The following RANBP2 variants were observed in gnomAD, a reference collection of about 807,000 sequenced individuals.
RANBP2 encodes RAN binding protein 2.
In RANBP2, 57 loss-of-function variants were observed where a neutral mutation model predicts 303.6. That is an observed-to-expected ratio of 0.19 (90% CI 0.15 to 0.23). The LOEUF (loss-of-function observed/expected upper bound fraction) is 0.23. Among genes scored for constraint, RANBP2 ranks in the 10% least tolerant of loss-of-function variants. The pLI, the probability that RANBP2 is intolerant of heterozygous loss-of-function variation, is 1.00. For synonymous variants in RANBP2, 1,167 were observed against 1,301.5 expected (o/e 0.90, Z 2.23); for missense variants, 3,138 against 3,780.8 (o/e 0.83, Z 4.46).
the RANBP2 span, among the ~76,000 whole-genome samples, chr2:109,439,847 A>G: frequency 2.0e-5 from 3 of 152,160 alleles, no homozygotes; most frequent in African/African-American, 7.2e-5. Flanking sequence ...ACTAGAAAAC[A>G]AAGTTCTGTG....
At chr2:109,050,598 C>T in the RANBP2 span, among the ~76,000 whole-genome samples, 10 of 152,074 alleles carry the variant, frequency 6.6e-5, no homozygotes, top group Non-Finnish European at 1.2e-4. Flanking sequence ...TAAAATTACA[C>T]ATGTGGCTCA....
At chr2:109,482,320 G>A in the RANBP2 span, among the ~76,000 whole-genome samples, 2 of 152,124 alleles carry the variant, frequency 1.3e-5, no homozygotes, top group Non-Finnish European at 2.9e-5. Context: ...TATGTAGTCC[G>A]TTTTACACAT....
chr2:109,137,406 G>C, the RANBP2 span, among the ~76,000 whole-genome samples: 1 of 152,234 alleles, frequency 6.6e-6, no homozygotes, highest in Non-Finnish European at 1.5e-5. Flanking sequence ...TTTCAGAGAA[G>C]CTGTCTGCTG....
At chr2:109,335,680 C>T in the RANBP2 span, among the ~76,000 whole-genome samples, 5 of 152,146 alleles carry the variant, frequency 3.3e-5, no homozygotes, top group Admixed American at 2.6e-4. Context: ...AAACTCCACC[C>T]GGGTGGGGAC....
chr2:109,261,820 C>A, the RANBP2 span, among the ~76,000 whole-genome samples: 1,148 of 152,278 alleles, frequency 7.5e-3, 17 homozygotes, highest in African/African-American at 0.027. Context: ...AGCCTCCCCA[C>A]CCCTTCACTT....
At chr2:109,147,494 C>T in the RANBP2 span, among the ~76,000 whole-genome samples, 3 of 152,294 alleles carry the variant, frequency 2.0e-5, no homozygotes, top group East Asian at 5.8e-4. Context: ...GTCAACAGAT[C>T]TGATAAGAAG....
the RANBP2 span, among the ~76,000 whole-genome samples, chr2:109,249,457 T>G: frequency 6.8e-6 from 1 of 147,084 alleles, no homozygotes; most frequent in African/African-American, 2.5e-5. Context: ...CTCTCTCTCT[T>G]TCTCTCTTTC....
chr2:109,185,655 C>T, the RANBP2 span, among the ~76,000 whole-genome samples: 3 of 152,112 alleles, frequency 2.0e-5, no homozygotes, highest in African/African-American at 7.2e-5. Flanking sequence ...TCAGACACTC[C>T]TGGTTCACCT....
At chr2:109,229,533 T>C in the RANBP2 span, among the ~76,000 whole-genome samples, 1 of 152,070 alleles carries the variant, frequency 6.6e-6, no homozygotes, top group Non-Finnish European at 1.5e-5. Context: ...GAGAGCCCGA[T>C]ACGGGAGGGA....
the RANBP2 span, among the ~76,000 whole-genome samples, chr2:109,465,726 A>G: frequency 1.3e-5 from 2 of 152,292 alleles, no homozygotes; most frequent in East Asian, 1.9e-4. Flanking sequence ...GAAGCTTCCA[A>G]TCATGGCGGA....
At chr2:108,772,122 A>T (rs1677549776) in intron 21 of RANBP2, among the ~76,000 whole-genome samples, 1 of 152,346 alleles carries the variant, frequency 6.6e-6, no homozygotes, top group Admixed American at 6.5e-5. Flanking sequence ...AATAATTATA[A>T]TTTTGCTGGA....
chr2:109,225,879 T>C, the RANBP2 span, among the ~76,000 whole-genome samples: 1 of 152,210 alleles, frequency 6.6e-6, no homozygotes, highest in African/African-American at 2.4e-5. Context: ...GATCCTCCCC[T>C]CTCAGCCTCC....
At chr2:109,084,042 AC>A in the RANBP2 span, among the ~76,000 whole-genome samples, 1 of 152,154 alleles carries the variant, frequency 6.6e-6, no homozygotes, top group Non-Finnish European at 1.5e-5. Flanking sequence ...TAAAACTGAC[AC>A]CAGCCAATTG....
At chr2:108,926,032 A>T in the RANBP2 span, among the ~76,000 whole-genome samples, 57 of 152,304 alleles carry the variant, frequency 3.7e-4, no homozygotes, top group Middle Eastern at 3.4e-3. Flanking sequence ...TCTAGCACGT[A>T]TTGCTGCATG....
chr2:109,216,970 G>A, the RANBP2 span, among the ~76,000 whole-genome samples: 1 of 152,080 alleles, frequency 6.6e-6, no homozygotes, highest in Non-Finnish European at 1.5e-5. Flanking sequence ...CCAGGCCCTG[G>A]CACCCACTCT....
At chr2:109,564,671 GATT>G in the RANBP2 span, 1 of 714,906 alleles carries the variant, frequency 1.4e-6, no homozygotes, top group South Asian at 4.3e-5. Flanking sequence ...TAACAGCTAC[GATT>G]ATTTTATACA....
intron 4 of RANBP2, among the ~76,000 whole-genome samples, chr2:108,732,113 G>A (rs771253535): frequency 2.5e-4 from 38 of 152,158 alleles, no homozygotes; most frequent in African/African-American, 6.0e-4. Flanking sequence ...ATACTTTATC[G>A]TGTGTGTACA....
rs1214614333 is a variant in RANBP2, at chr2:108,765,685, G to A, written c.5146G>A (p.Gly1716Arg). Residue 1716 changes from glycine to arginine, a missense_variant, in exon 20 of 29, where the codon GGA becomes AGA. Around this residue, in one of 20 missense-constraint regions of RANBP2, gnomAD observed 51 missense variants for 112.1 expected, o/e 0.45. Transcript: ENST00000283195. ...SSETSKAPKS[G>R]FEGMFTKKEG... ...AGAGACAAGCAAGGCTCCAAAGAGCGGATTTGAGGGAATGTTCACTAAGAA... is the reference window on the plus strand; with the variant it reads ...AGAGACAAGCAAGGCTCCAAAGAGCAGATTTGAGGGAATGTTCACTAAGAA... The A allele has an allele frequency of 3.7e-6, 6 of 1,611,896 alleles. No individual in the cohort carries two copies. Among genetic ancestry groups the A allele is most frequent in the East Asian group, 2.2e-5 (1 of 44,750 alleles).
intron 7 of RANBP2, among the ~76,000 whole-genome samples, chr2:108,743,325 A>G (rs975246891): frequency 2.6e-5 from 4 of 152,156 alleles, no homozygotes; most frequent in African/African-American, 9.7e-5. Context: ...GCTGGAGTGC[A>G]GTGGCATGAT....
Sources: allele counts gnomAD v4.1 joint callset (sites outside exome capture counted in the v4.1 genomes callset), GRCh38; gene constraint gnomAD v4.1.1; regional missense constraint gnomAD v4.1.1; transcripts MANE v1.5; gene names NCBI Gene and HGNC (gene_info 2026-07-23, HGNC 2026-07-21).